The following HECTD4 variants were observed in gnomAD, a reference collection of about 807,000 sequenced individuals.
HECTD4 encodes HECT domain E3 ubiquitin protein ligase 4, also known as probable E3 ubiquitin-protein ligase HECTD4.
HECTD4 carries 114 observed loss-of-function variants against 471.5 expected under a neutral mutation model. The ratio of observed to expected loss-of-function variants is 0.24; its 90% CI spans 0.21 to 0.28. HECTD4 has a LOEUF of 0.28. Ranked by LOEUF, HECTD4 falls within the 10% of genes least tolerant of loss-of-function variation. HECTD4 has a pLI of 1.00. For missense variants in HECTD4, 3,866 were observed against 5,651.5 expected (o/e 0.68, Z 10.13); for synonymous variants, 2,012 against 2,256.0 (o/e 0.89, Z 3.07).
chr12:112,282,360 A>G (rs991625111), intron 8 of HECTD4, among the ~76,000 whole-genome samples: 2 of 152,092 alleles, frequency 1.3e-5, no homozygotes, highest in South Asian at 4.1e-4. Flanking sequence ...TCCAGCCTGG[A>G]AGACAGAGCA....
chr12:112,347,954 T>A (rs184214143), intron 1 of HECTD4, among the ~76,000 whole-genome samples: 4 of 152,318 alleles, frequency 2.6e-5, no homozygotes, highest in Admixed American at 2.6e-4. Flanking sequence ...GGCTGTCACC[T>A]CATGGGCTCT....
At chr12:112,191,169 G>A (rs557707280) in intron 59 of HECTD4, among the ~76,000 whole-genome samples, 1 of 152,330 alleles carries the variant, frequency 6.6e-6, no homozygotes, top group Non-Finnish European at 1.5e-5. Flanking sequence ...TCCCTCCAGG[G>A]AGTCCGCTTA....
At chr12:112,264,041 A>G in intron 17 of HECTD4, 43 bp downstream of exon 17, 1 of 1,510,060 alleles carries the variant, frequency 6.6e-7, no homozygotes, top group Non-Finnish European at 8.9e-7. Flanking sequence ...GCTGCTTTTC[A>G]CACTGGGTAG....
In HECTD4 at chr12:112,203,377, A is replaced by G. The variant is rs199827504; in HGVS notation, c.8406+259T>C. 16 of 340,984 alleles carry G rather than the reference A, an allele frequency of 4.7e-5. No homozygotes were observed. The East Asian group carries it at 7.8e-4, about 17-fold the overall frequency. 21.1% of individuals were successfully genotyped at this position (340,984 alleles called of 1,614,324 possible). A position where few individuals can be genotyped will look rare whatever the true frequency, so the allele number is the denominator to read the frequency against. On this transcript the variant is annotated intron_variant, in intron 54 of 75. Coordinates refer to ENST00000682272, the MANE Select transcript of HECTD4 (RefSeq NM_001388303.1). ...GTTTGAACATGTCGGACAGAAAATA[A>G]TGGTAGAGGTGGTGTGGTCTGAAGG...
At position 112,333,507 on chromosome 12, in the gene HECTD4, G is replaced by GA. The variant is rs1292791665; in HGVS notation, c.178-13766dup. Among the ~76,000 whole-genome samples, 6 of 151,944 alleles carry GA rather than the reference G, an allele frequency of 3.9e-5. No homozygotes were observed. The East Asian group carries it at 5.8e-4, about 15-fold the overall frequency. On this transcript the variant is annotated intron_variant, in intron 1 of 75. Coordinates refer to ENST00000682272, the MANE Select transcript of HECTD4 (RefSeq NM_001388303.1). ...ATTGGCCATTTGTATATCTTCTTTA[G>GA]AAAAAAAATTATCCATTTTGAGAAA... is the stretch of plus-strand genomic sequence containing the variant.
At position 112,269,794 on chromosome 12, in the gene HECTD4, C is replaced by A; in HGVS notation, c.2231G>T (p.Arg744Leu). Reference protein sequence around the residue: ...PQTERNRDIIRRSGLLLWQLL... With the variant: ...PQTERNRDIILRSGLLLWQLL... ...CTGCCAAAGAAGCAATCCCGACCGT[C>A]GAATGATGTCTCGATTCCTTTCAGT... The change falls in exon 13 of 76, where the codon CGA becomes CTA. Residue 744 changes from arginine (R) to leucine (L), a missense_variant. Arg to Leu is a moderately radical substitution (Grantham distance 102, BLOSUM62 -2). Transcript: ENST00000682272. 6.2e-7 allele frequency: 1 copy of A among 1,613,864 alleles called. No individual in the cohort carries two copies.
intron 54 of HECTD4, chr12:112,202,911 G>C (rs938716590): frequency 6.6e-6 from 1 of 152,214 alleles, no homozygotes; most frequent in African/African-American, 2.4e-5. Flanking sequence ...GAGGCTGAGA[G>C]AATCAGTGAG....
In HECTD4 at chr12:112,185,352, A is replaced by T. The variant is rs2031822445; in HGVS notation, c.9614T>A (p.Leu3205Gln). ...CATCAGCATGGCCAGGCAGGGGTTCAGCTGGAGGGCGATTGAGGAGGACAG... is the reference window on the plus strand; with the variant it reads ...CATCAGCATGGCCAGGCAGGGGTTCTGCTGGAGGGCGATTGAGGAGGACAG... ...AGLSSSIALQ[L>Q]NPCLAMLMAL... Residue 3205 changes from leucine (L) to glutamine (Q), a missense_variant, in exon 61 of 76, where the codon CTG (leucine) becomes CAG (glutamine). Leu to Gln is a moderately radical substitution (Grantham distance 113, BLOSUM62 -2). Around this residue, in one of 16 missense-constraint regions of HECTD4, gnomAD observed 364 missense variants for 413.2 expected, o/e 0.88. Transcript: ENST00000682272. 1.2e-6 allele frequency: 2 copies of T among 1,604,012 alleles called. No homozygotes were observed. The highest frequency in any genetic ancestry group is 1.7e-6 in the Non-Finnish European group (2 of 1,175,780).
At chr12:112,327,079 G>A (rs1160954831) in intron 1 of HECTD4, among the ~76,000 whole-genome samples, 2 of 152,192 alleles carry the variant, frequency 1.3e-5, no homozygotes, top group Non-Finnish European at 2.9e-5. Flanking sequence ...TGTAATCCCA[G>A]CACTTTGGGA....
intron 41 of HECTD4, among the ~76,000 whole-genome samples, chr12:112,229,155 C>G (rs1256189127): frequency 6.6e-6 from 1 of 152,036 alleles, no homozygotes; most frequent in African/African-American, 2.4e-5. Context: ...GATGAAATCC[C>G]ATCTCTATTA....
At chr12:112,164,081 C>CCAGCCCCTGA in intron 73 of HECTD4, 28 bp downstream of exon 73, 1 of 1,411,304 alleles carries the variant, frequency 7.1e-7, no homozygotes. Context: ...CCAGCCCCTG[C>CCAGCCCCTGA]CAGCCCCTGA....
Position 112,219,320 on chromosome 12 carries a change from C to A in HECTD4, c.7074+66G>T. On this transcript the variant is annotated intron_variant, in intron 45 of 75. Coordinates refer to ENST00000682272, the MANE Select transcript of HECTD4 (RefSeq NM_001388303.1). ...ACTTATTCTAAATGTCCTTAACTTG[C>A]TGCTGGCCTTACTCAGTGATGTGTG... is the stretch of plus-strand genomic sequence containing the variant. 4.3e-6 allele frequency: 5 copies of A among 1,163,552 alleles called. No homozygotes were observed. In the South Asian group the frequency reaches 5.5e-5, roughly 13 times the overall value. 72.1% of individuals were successfully genotyped at this position (1,163,552 alleles called of 1,614,324 possible). A position where few individuals can be genotyped will look rare whatever the true frequency, so the allele number is the denominator to read the frequency against.
rs1450455673 is a variant in HECTD4, at chr12:112,176,879, A to C, written c.11364-177T>G. On this transcript the variant is annotated intron_variant, in intron 64 of 75. Coordinates refer to ENST00000682272, the MANE Select transcript of HECTD4 (RefSeq NM_001388303.1). ...TCTGAGTGAGAAAAGTTCACTGAGC[A>C]AATTACAAGGACATATCCGTGCCTT... Among the ~76,000 whole-genome samples the C allele has an allele frequency of 3.3e-5, 5 of 152,252 alleles. 1 individual carries two copies. The highest frequency in any genetic ancestry group is 3.3e-4 in the Admixed American group (5 of 15,282).
At chr12:112,328,440 T>C (rs2035789387) in intron 1 of HECTD4, among the ~76,000 whole-genome samples, 1 of 152,150 alleles carries the variant, frequency 6.6e-6, no homozygotes, top group Non-Finnish European at 1.5e-5. Flanking sequence ...GCCCTGCCAA[T>C]ACAAAACTTT....
Position 112,192,689 on chromosome 12 carries a change from G to C in HECTD4, c.9163C>G (p.Leu3055Val). ...LGHKVKRNGQ[L>V]NLIEAACYPR... ...TAACAGGCGGCCTCGATGAGGTTCA[G>C]CTGGCCATTTCGCTTCACTTTGTGG... The change falls in exon 59 of 76, where the codon CTG (leucine) becomes GTG (valine). Residue 3055 changes from leucine to valine, a missense_variant. This residue lies in a region of HECTD4 where 364 missense variants were observed against 413.2 expected (regional missense o/e 0.88). Transcript: ENST00000682272. The C allele has an allele frequency of 6.2e-7, 1 of 1,602,928 alleles. No individual in the cohort carries two copies. Among genetic ancestry groups the C allele is most frequent in the Non-Finnish European group, 8.5e-7 (1 of 1,175,184 alleles).
chr12:112,331,639 T>C (rs1359453656), intron 1 of HECTD4, among the ~76,000 whole-genome samples: 2 of 152,190 alleles, frequency 1.3e-5, no homozygotes, highest in Non-Finnish European at 2.9e-5. Flanking sequence ...TGTTATGACA[T>C]TAAAGATACT....
At chr12:112,214,488 T>C (rs1264761417) in intron 48 of HECTD4, among the ~76,000 whole-genome samples, 1 of 152,156 alleles carries the variant, frequency 6.6e-6, no homozygotes, top group African/African-American at 2.4e-5. Context: ...CAAGTATCTG[T>C]TGATGAATGG....
In HECTD4 at chr12:112,184,375, A is replaced by G; in HGVS notation, c.10591T>C (p.Ser3531Pro). ...GAAATGTCCAGGCTTTCCTGGCTGG[A>G]CACCGCGTGGGGCTCCAACAGGCCC... is the stretch of plus-strand genomic sequence containing the variant. Reference protein sequence around the residue: ...PPGLLEPHAVSSQESLDISLC... With the variant: ...PPGLLEPHAVPSQESLDISLC... The change falls in exon 61 of 76, where the codon TCC becomes CCC. Residue 3531 changes from serine (S) to proline (P), a missense_variant. Ser to Pro is a moderately conservative substitution (Grantham distance 74, BLOSUM62 -1). Coordinates refer to ENST00000682272, the MANE Select transcript of HECTD4 (RefSeq NM_001388303.1). This position sits in a 1 kb window ranked among gnomAD's most constrained non-coding sequence, Gnocchi z 9.1. 1 of 1,611,124 alleles carries G rather than the reference A, an allele frequency of 6.2e-7. No individual in the cohort carries two copies. The highest frequency in any genetic ancestry group is 8.5e-7 in the Non-Finnish European group (1 of 1,179,288).
At chr12:112,278,091 C>G (rs182172959) in intron 9 of HECTD4, among the ~76,000 whole-genome samples, 2 of 151,834 alleles carry the variant, frequency 1.3e-5, no homozygotes, top group African/African-American at 4.8e-5. Context: ...AACAAACAAA[C>G]GAAAAAGCAG....
Sources: allele counts gnomAD v4.1 joint callset (sites outside exome capture counted in the v4.1 genomes callset), GRCh38; gene constraint gnomAD v4.1.1; regional missense constraint gnomAD v4.1.1; non-coding constraint Gnocchi (gnomAD v3.1); transcripts MANE v1.5; gene names NCBI Gene and HGNC (gene_info 2026-07-23, HGNC 2026-07-21).